ADAM20: variants seen among roughly 807,000 people sequenced by gnomAD.
ADAM20 encodes disintegrin and metalloproteinase domain-containing protein 20.
For synonymous variants in ADAM20, 305 were observed against 310.2 expected, an observed-to-expected ratio of 0.98 and a Z score of 0.18; for missense variants, 871 against 883.2, an observed-to-expected ratio of 0.99 and a Z score of 0.18.
the ADAM20 span, among the ~76,000 whole-genome samples, chr14:70,569,885 C>CAAAAAAAAAAAAAAAAA: frequency 6.6e-5 from 5 of 76,190 alleles, no homozygotes; most frequent in South Asian, 6.2e-4. Flanking sequence ...AGAAAACTAA[C>CAAAAAAAAAAAAAAAAA]AAAAAAAAAA....
chr14:70,560,418 A>G, the ADAM20 span, among the ~76,000 whole-genome samples: 2 of 152,236 alleles, frequency 1.3e-5, no homozygotes, highest in African/African-American at 2.4e-5. Context: ...AAAACCACTT[A>G]GCAAATGTAA....
chr14:70,558,632 C>A, the ADAM20 span, among the ~76,000 whole-genome samples: 2 of 151,750 alleles, frequency 1.3e-5, no homozygotes, highest in Non-Finnish European at 2.9e-5. Context: ...CATGGGTGTG[C>A]ACAGTGTTCT....
At chr14:70,577,489 A>G in the ADAM20 span, among the ~76,000 whole-genome samples, 1 of 152,208 alleles carries the variant, frequency 6.6e-6, no homozygotes, top group African/African-American at 2.4e-5. Context: ...CTGGCACCAA[A>G]TACGTCCTCA....
chr14:70,525,873 G>T (rs557991249), intron 1 of ADAM20, among the ~76,000 whole-genome samples: 7 of 152,264 alleles, frequency 4.6e-5, no homozygotes, highest in African/African-American at 1.7e-4. Context: ...AGGGAGTGAG[G>T]CAGCTGTTTT....
rs577456558 is a variant in ADAM20 at position 70,523,871 on chromosome 14, G to C, written c.887C>G (p.Ala296Gly). 5.6e-6 allele frequency: 9 copies of C among 1,613,952 alleles called. No individual in the cohort carries two copies. Among genetic ancestry groups the C allele is most frequent in the Admixed American group, 3.3e-5 (2 of 59,976 alleles). Residue 296 changes from alanine to glycine, a missense_variant, in exon 2 of 2, where the codon GCA becomes GGA. Ala to Gly is a moderately conservative substitution (Grantham distance 60). Transcript: ENST00000256389. ...TTGTGTGTCTTTTATGAAAAGATGT[G>C]CAACATCATGTTGTAGTCGATTATT... ...NLNNRLQHDV[A>G]HLFIKDTQGM...
the ADAM20 span, among the ~76,000 whole-genome samples, chr14:70,565,785 A>G: frequency 6.6e-6 from 1 of 152,238 alleles, no homozygotes; most frequent in Non-Finnish European, 1.5e-5. Context: ...CAGCTGATGT[A>G]AAGTATACAG....
the ADAM20 span, among the ~76,000 whole-genome samples, chr14:70,578,007 T>C: frequency 6.6e-6 from 1 of 152,080 alleles, no homozygotes; most frequent in Non-Finnish European, 1.5e-5. Context: ...GCACAGGTAA[T>C]AGAAGAAATA....
chr14:70,529,576 T>C (rs1167826621), intron 1 of ADAM20, among the ~76,000 whole-genome samples: 2 of 152,232 alleles, frequency 1.3e-5, no homozygotes, highest in Non-Finnish European at 2.9e-5. Context: ...TACAGCATGC[T>C]ACTATACTGA....
At chr14:70,559,813 C>G in the ADAM20 span, among the ~76,000 whole-genome samples, 6 of 131,938 alleles carry the variant, frequency 4.5e-5, no homozygotes, top group Non-Finnish European at 1.0e-4. Context: ...GGAAGGAAAG[C>G]AGGAGAGAGG....
the ADAM20 span, among the ~76,000 whole-genome samples, chr14:70,542,939 A>G: frequency 2.2e-5 from 3 of 137,724 alleles, no homozygotes; most frequent in Non-Finnish European, 4.7e-5. Flanking sequence ...ACTCCATCTC[A>G]AAAAAAAAAA....
the ADAM20 span, among the ~76,000 whole-genome samples, chr14:70,577,110 A>T: frequency 2.0e-5 from 3 of 152,208 alleles, no homozygotes; most frequent in Admixed American, 6.5e-5. Flanking sequence ...ATGGAAGAGA[A>T]TATTTCCCAA....
chr14:70,532,116 G>A (rs7150354), intron 1 of ADAM20, among the ~76,000 whole-genome samples: 33,028 of 151,882 alleles, frequency 0.22, 4,745 homozygotes, highest in East Asian at 0.53. Flanking sequence ...ATATACAGTA[G>A]TAAAAACAGC....
the ADAM20 span, among the ~76,000 whole-genome samples, chr14:70,546,981 C>T: frequency 0.024 from 3,666 of 151,976 alleles, 152 homozygotes; most frequent in African/African-American, 0.082. Context: ...GACAGAAGAC[C>T]CAAATCAATA....
chr14:70,578,494 G>A, the ADAM20 span, among the ~76,000 whole-genome samples: 1 of 152,104 alleles, frequency 6.6e-6, no homozygotes, highest in African/African-American at 2.4e-5. Flanking sequence ...ATAGACAAAT[G>A]AGACTCACTT....
the ADAM20 span, among the ~76,000 whole-genome samples, chr14:70,572,758 C>G: frequency 6.6e-6 from 1 of 152,150 alleles, no homozygotes; most frequent in African/African-American, 2.4e-5. Context: ...GAAAAAAAAC[C>G]ACCATTGAAA....
intron 1 of ADAM20, among the ~76,000 whole-genome samples, chr14:70,532,885 A>AAT (rs566522167): frequency 0.011 from 1,638 of 152,146 alleles, 16 homozygotes; most frequent in African/African-American, 0.037. Context: ...TTTATCCAAA[A>AAT]ATATATATAT....
chr14:70,574,366 C>T, the ADAM20 span, among the ~76,000 whole-genome samples: 69 of 152,194 alleles, frequency 4.5e-4, no homozygotes, highest in African/African-American at 1.6e-3. Context: ...AAAGAAGAGG[C>T]CGGGCATGGT....
chr14:70,533,226 T>G, intron 1 of ADAM20, among the ~76,000 whole-genome samples: 1 of 152,274 alleles, frequency 6.6e-6, no homozygotes, highest in East Asian at 1.9e-4. Context: ...GATATACCAT[T>G]TAACCCAGCA....
chr14:70,566,088 C>T, the ADAM20 span, among the ~76,000 whole-genome samples: 1 of 152,080 alleles, frequency 6.6e-6, no homozygotes, highest in African/African-American at 2.4e-5. Context: ...CAAGTTGAAA[C>T]AAAAAGACAC....
Sources: allele counts gnomAD v4.1 joint callset (sites outside exome capture counted in the v4.1 genomes callset), GRCh38; gene constraint gnomAD v4.1.1; transcripts MANE v1.5; gene names NCBI Gene and HGNC (gene_info 2026-07-23, HGNC 2026-07-21).